The following POLA2 variants were observed in gnomAD, a reference collection of about 807,000 sequenced individuals.
The protein encoded by POLA2 is DNA polymerase alpha 2, accessory subunit.
In POLA2, 47 loss-of-function variants were observed where a neutral mutation model predicts 82.8. That is an observed-to-expected ratio of 0.57 (90% CI 0.45 to 0.72). The LOEUF (loss-of-function observed/expected upper bound fraction) is 0.72, where lower values mean the gene tolerates loss of function less well. POLA2 is among the 30% of genes least tolerant of loss of function. The probability of loss-of-function intolerance (pLI) is 0.00; values close to 1 mark genes in which losing one functional copy is unlikely to be tolerated. For synonymous variants in POLA2, 287 were observed against 286.8 expected, an observed-to-expected ratio of 1.00 and a Z score of -0.01; for missense variants, 634 against 728.1, an observed-to-expected ratio of 0.87 and a Z score of 1.49.
At chr11:65,267,787 G>A (rs992314607) in intron 3 of POLA2, among the ~76,000 whole-genome samples, 4 of 151,152 alleles carry the variant, frequency 2.6e-5, no homozygotes, top group Admixed American at 2.6e-4. Context: ...TCTATCAAAA[G>A]TACAAATTTT....
At chr11:65,300,505 G>A (rs186661723), downstream of POLA2, among the ~76,000 whole-genome samples, 425 of 152,010 alleles carry the variant, frequency 2.8e-3, 13 homozygotes, top group Admixed American at 0.027. Flanking sequence ...ACTCGCCTCG[G>A]CCTCCCAAAG....
chr11:65,277,169 T>C (rs1949590327), intron 5 of POLA2, among the ~76,000 whole-genome samples: 1 of 150,938 alleles, frequency 6.6e-6, no homozygotes, highest in African/African-American at 2.4e-5. Context: ...ATTTTTTTTT[T>C]CTTTTCTTTC....
chr11:65,294,292 A>T (rs1473783431), intron 14 of POLA2, 31 bp downstream of exon 14: 1 of 1,557,448 alleles, frequency 6.4e-7, no homozygotes, highest in Admixed American at 1.7e-5. Context: ...ACCAGCAGGC[A>T]GCCAGAATCC....
chr11:65,293,728 T>C (rs1949779784), intron 13 of POLA2, among the ~76,000 whole-genome samples: 1 of 152,110 alleles, frequency 6.6e-6, no homozygotes, highest in Non-Finnish European at 1.5e-5. Flanking sequence ...GTTTACTGCC[T>C]GCAGGCTACA....
At chr11:65,304,344 C>T (rs1337125288) in intron 8 of POLA2, among the ~76,000 whole-genome samples, 1 of 151,746 alleles carries the variant, frequency 6.6e-6, no homozygotes, top group Non-Finnish European at 1.5e-5. Flanking sequence ...CTTAACCATC[C>T]ATCCATTCAT....
At chr11:65,276,068 A>G (rs1279273205) in intron 5 of POLA2, 70 bp downstream of exon 5, 1 of 818,228 alleles carries the variant, frequency 1.2e-6, no homozygotes, top group Non-Finnish European at 2.0e-6. Flanking sequence ...TATCTGAGGA[A>G]GGCTAACAGC....
rs779882778 is a variant in POLA2 at position 65,278,755 on chromosome 11, T to G, written c.487T>G (p.Ser163Ala). 6.2e-7 allele frequency: 1 copy of G among 1,613,492 alleles called. No individual in the cohort carries two copies. Among genetic ancestry groups the G allele is most frequent in the African/African-American group, 1.3e-5 (1 of 74,882 alleles). ...PSATPSQKYN[S>A]RSNRGEVVTS... Reference sequence around the variant, plus strand: ...TGCTACTCCCTCCCAGAAATACAACTCACGAAGTAACCGAGGAGAAGTGGT... The same window carrying G: ...TGCTACTCCCTCCCAGAAATACAACGCACGAAGTAACCGAGGAGAAGTGGT... The change falls in exon 6 of 18, where the codon TCA becomes GCA. Residue 163 changes from serine to alanine, a missense_variant. Physicochemically the swap from Ser to Ala is moderately conservative, Grantham distance 99. Coordinates refer to ENST00000265465, the MANE Select transcript of POLA2 (RefSeq NM_002689.4).
At chr11:65,289,227 C>A in intron 12 of POLA2, 139 bp downstream of exon 12, 2 of 656,266 alleles carry the variant, frequency 3.0e-6, no homozygotes, top group Non-Finnish European at 5.3e-6. Flanking sequence ...TTTAGCAGAG[C>A]ACTTTATTAA....
rs1248178366 is a variant in POLA2 at position 65,262,091 on chromosome 11, T to A, written c.-202T>A. ...GTTTGGGAGCCACCCCTTCATTTTT[T>A]AAAAAAAGTATTTCTCTGTGACCGA... On this transcript the variant is annotated 5_prime_UTR_variant, in exon 1 of 18. Transcript: ENST00000265465. 3 of 557,062 alleles carry A rather than the reference T, an allele frequency of 5.4e-6. No homozygotes were observed. The highest frequency in any genetic ancestry group is 6.4e-5 in the East Asian group (2 of 31,464). The allele number at this position is 557,062 out of a possible 1,614,324, so 34.5% of individuals were successfully genotyped here. A position where few individuals can be genotyped will look rare whatever the true frequency, so the allele number is the denominator to read the frequency against.
chr11:65,287,515 C>T (rs1409646925), intron 10 of POLA2: 5 of 396,598 alleles, frequency 1.3e-5, no homozygotes, highest in Admixed American at 4.4e-5. Context: ...TATTCGTGTA[C>T]CTGCCTGTCT....
At chr11:65,301,850 C>T (rs998854966), downstream of POLA2, among the ~76,000 whole-genome samples, 2 of 152,220 alleles carry the variant, frequency 1.3e-5, no homozygotes, top group African/African-American at 4.8e-5. Context: ...ATTGGTCATT[C>T]TGGGTCTTCA....
downstream of POLA2, among the ~76,000 whole-genome samples, chr11:65,302,737 T>A (rs974902063): frequency 3.3e-5 from 5 of 151,860 alleles, no homozygotes; most frequent in Admixed American, 1.3e-4. Context: ...TTTTTTTTTT[T>A]ATTTTTTTGG....
At chr11:65,287,434 C>T (rs1485736158) in intron 10 of POLA2, among the ~76,000 whole-genome samples, 1 of 152,190 alleles carries the variant, frequency 6.6e-6, no homozygotes, top group Non-Finnish European at 1.5e-5. Context: ...TTGGTAAATT[C>T]TTTCCTGACT....
intron 5 of POLA2, among the ~76,000 whole-genome samples, chr11:65,277,422 C>T (rs1221732535): frequency 6.6e-6 from 1 of 152,262 alleles, no homozygotes; most frequent in South Asian, 2.1e-4. Context: ...AAGCAATCTG[C>T]CTGCCTTAGC....
chr11:65,278,496 C>CT (rs1565477492), intron 5 of POLA2, among the ~76,000 whole-genome samples: 1 of 152,202 alleles, frequency 6.6e-6, no homozygotes, highest in Non-Finnish European at 1.5e-5. Context: ...ACGTTTCTGT[C>CT]TCTAAACTTC....
chr11:65,279,659 A>C (rs757231640), intron 7 of POLA2, 33 bp downstream of exon 7: 1 of 1,433,614 alleles, frequency 7.0e-7, no homozygotes, highest in East Asian at 2.3e-5. Flanking sequence ...TCACTAATTA[A>C]TATTACGTTT....
At chr11:65,290,304 A>G (rs1949741603) in intron 13 of POLA2, among the ~76,000 whole-genome samples, 1 of 151,904 alleles carries the variant, frequency 6.6e-6, no homozygotes, top group Non-Finnish European at 1.5e-5. Flanking sequence ...TGGGAGGCCA[A>G]AGCAGGCGGA....
In POLA2 at chr11:65,289,852, A is replaced by G; in HGVS notation, c.1224A>G (p.Thr408=). ...ACATTTTCAAGCAGTGTCTACGAAC[A>G]ATTATTGAAGGCACAAGAAGGTCAG... ...FEDIFKQCLR[T]IIEGTRSSGS... is the part of the protein sequence containing the mutation. Residue 408 remains threonine (T), a synonymous_variant, in exon 13 of 18, where the codon ACA becomes ACG. Transcript: ENST00000265465. The G allele has an allele frequency of 6.2e-7, 1 of 1,609,080 alleles. No homozygotes were observed. Among genetic ancestry groups the G allele is most frequent in the Non-Finnish European group, 8.5e-7 (1 of 1,175,474 alleles).
At chr11:65,305,808 C>A (rs1212041930), downstream of POLA2, among the ~76,000 whole-genome samples, 4 of 152,228 alleles carry the variant, frequency 2.6e-5, no homozygotes, top group Non-Finnish European at 4.4e-5. Context: ...AGATGACTCA[C>A]TGCGGCACGG....
Sources: gnomAD v4.1 joint callset for allele counts (sites outside exome capture counted in the v4.1 genomes callset) on GRCh38, gnomAD v4.1.1 for gene constraint, MANE v1.5 for transcripts, NCBI Gene and HGNC (gene_info 2026-07-23, HGNC 2026-07-21) for gene names.